Variants in RBMS3 observed in about 807,000 individuals in gnomAD.
RBMS3 encodes the protein RNA-binding motif, single-stranded-interacting protein 3.
Under a neutral mutation model 66.8 loss-of-function variants are expected in RBMS3, and 27 were observed. That is an observed-to-expected ratio of 0.40 (90% confidence interval 0.30 to 0.56). The LOEUF (loss-of-function observed/expected upper bound fraction) is 0.56, where lower values mean the gene tolerates loss of function less well. RBMS3 is among the 20% of genes least tolerant of loss of function. RBMS3 has a pLI of 0.40. For synonymous variants in RBMS3, 188 were observed against 183.0 expected, an observed-to-expected ratio of 1.03 and a Z score of -0.22; for missense variants, 513 against 549.5, an observed-to-expected ratio of 0.93 and a Z score of 0.66.
intron 6 of RBMS3, among the ~76,000 whole-genome samples, chr3:29,774,343 G>T (rs924540781): frequency 6.6e-6 from 1 of 151,982 alleles, no homozygotes; most frequent in Non-Finnish European, 1.5e-5. Flanking sequence ...AGATAAAACC[G>T]TGATCAGGTC....
chr3:29,524,651 C>T (rs536142132), intron 3 of RBMS3, among the ~76,000 whole-genome samples: 1 of 150,928 alleles, frequency 6.6e-6, no homozygotes, highest in Non-Finnish European at 1.5e-5. Flanking sequence ...GCAATGTTGG[C>T]CAGGCTGGTC....
At chr3:29,776,481 G>T (rs1054797140) in intron 6 of RBMS3, among the ~76,000 whole-genome samples, 3 of 151,862 alleles carry the variant, frequency 2.0e-5, no homozygotes, top group Non-Finnish European at 4.4e-5. Context: ...AAGCCTGCAT[G>T]TTGTGTACAT....
At chr3:29,454,363 A>T (rs1434204956) in intron 2 of RBMS3, among the ~76,000 whole-genome samples, 1 of 152,234 alleles carries the variant, frequency 6.6e-6, no homozygotes, top group Non-Finnish European at 1.5e-5. Flanking sequence ...TCACTCACAG[A>T]CACCGTAATA....
At chr3:29,638,022 G>C (rs9856059) in intron 4 of RBMS3, among the ~76,000 whole-genome samples, 1 of 151,740 alleles carries the variant, frequency 6.6e-6, no homozygotes, top group Non-Finnish European at 1.5e-5. Context: ...TTTGTAAAAG[G>C]ATACTATTTG....
At chr3:29,659,860 A>T (rs2050466381) in intron 4 of RBMS3, among the ~76,000 whole-genome samples, 1 of 152,116 alleles carries the variant, frequency 6.6e-6, no homozygotes, top group South Asian at 2.1e-4. Flanking sequence ...CTGTGCACCA[A>T]GGGTTCTTAT....
At chr3:29,591,232 C>T (rs984196327) in intron 4 of RBMS3, among the ~76,000 whole-genome samples, 1 of 152,076 alleles carries the variant, frequency 6.6e-6, no homozygotes, top group African/African-American at 2.4e-5. Context: ...TAATTCTTTC[C>T]CAAAAAGAAC....
chr3:29,573,822 A>G (rs2047019690), intron 3 of RBMS3, among the ~76,000 whole-genome samples: 1 of 152,290 alleles, frequency 6.6e-6, no homozygotes, highest in East Asian at 1.9e-4. Context: ...TTATTGAACC[A>G]CTGGTTATTC....
At chr3:29,532,329 T>C (rs2045395345) in intron 3 of RBMS3, among the ~76,000 whole-genome samples, 1 of 148,080 alleles carries the variant, frequency 6.8e-6, no homozygotes, top group African/African-American at 2.5e-5. Flanking sequence ...TTTAAGTTGG[T>C]ACGTCCTAAG....
chr3:29,732,764 G>A (rs1470184617), intron 4 of RBMS3, among the ~76,000 whole-genome samples: 69 of 152,052 alleles, frequency 4.5e-4, no homozygotes, highest in African/African-American at 2.4e-5. Flanking sequence ...AATTGCTGCA[G>A]CATATAAAAT....
intron 6 of RBMS3, among the ~76,000 whole-genome samples, chr3:29,800,012 C>A (rs2057338209): frequency 6.6e-6 from 1 of 152,186 alleles, no homozygotes; most frequent in African/African-American, 2.4e-5. Context: ...GCTCCCTCTG[C>A]TCACATCACA....
chr3:29,649,392 A>C (rs2050062621), intron 4 of RBMS3, among the ~76,000 whole-genome samples: 1 of 152,204 alleles, frequency 6.6e-6, no homozygotes, highest in East Asian at 1.9e-4. Context: ...ATCAAATTCT[A>C]ACACATGACA....
chr3:29,663,625 TAATTA>T (rs2050640027), intron 4 of RBMS3, among the ~76,000 whole-genome samples: 1 of 152,242 alleles, frequency 6.6e-6, no homozygotes, highest in African/African-American at 2.4e-5. Context: ...TGGGGAGCTA[TAATTA>T]TACCAGTGGC....
intron 1 of RBMS3, among the ~76,000 whole-genome samples, chr3:29,337,715 T>A (rs1472782145): frequency 6.6e-6 from 1 of 152,106 alleles, no homozygotes; most frequent in Non-Finnish European, 1.5e-5. Context: ...TCTAATGTGA[T>A]ATGAAGCTGC....
chr3:29,439,615 A>ATTTATTTTTG (rs2041541049), intron 2 of RBMS3, among the ~76,000 whole-genome samples: 2 of 70,166 alleles, frequency 2.9e-5, no homozygotes, highest in East Asian at 7.5e-4. Context: ...ATTTATTTTT[A>ATTTATTTTTG]TTATTATTAT....
chr3:29,372,119 C>G (rs1473276391), intron 1 of RBMS3, among the ~76,000 whole-genome samples: 1 of 151,318 alleles, frequency 6.6e-6, no homozygotes, highest in East Asian at 2.0e-4. Context: ...CGTTAGAATG[C>G]AAGTTCAAAG....
intron 2 of RBMS3, among the ~76,000 whole-genome samples, chr3:29,482,687 T>C (rs551833852): frequency 1.3e-3 from 144 of 114,852 alleles, no homozygotes; most frequent in African/African-American, 5.3e-3. Context: ...GTCTACCATT[T>C]TCTTTCTTTC....
At chr3:29,767,994 G>C (rs2056007942) in intron 6 of RBMS3, among the ~76,000 whole-genome samples, 1 of 151,928 alleles carries the variant, frequency 6.6e-6, no homozygotes, top group Non-Finnish European at 1.5e-5. Context: ...TGATTGTTCT[G>C]CTCAGGTGGC....
intron 3 of RBMS3, among the ~76,000 whole-genome samples, chr3:29,579,519 G>T (rs373515374): frequency 6.6e-6 from 1 of 152,164 alleles, no homozygotes; most frequent in African/African-American, 2.4e-5. Context: ...ATCCTAAATT[G>T]GGGCTGGGGT....
At chr3:29,314,115 A>T (rs1375345689) in intron 1 of RBMS3, among the ~76,000 whole-genome samples, 2 of 151,608 alleles carry the variant, frequency 1.3e-5, no homozygotes, top group African/African-American at 4.8e-5. Context: ...AGGCAAGATT[A>T]TATATTCATC....
Sources: gnomAD v4.1 joint callset for allele counts (sites outside exome capture counted in the v4.1 genomes callset) on GRCh38, gnomAD v4.1.1 for gene constraint, MANE v1.5 for transcripts, NCBI Gene and HGNC (gene_info 2026-07-23, HGNC 2026-07-21) for gene names.